TMEM132C: variants seen among roughly 807,000 people sequenced by gnomAD.
The protein encoded by TMEM132C is transmembrane protein 132C, also known as protein phosphatase 1, regulatory subunit 152.
TMEM132C carries 29 observed loss-of-function variants against 61.4 expected under a neutral mutation model. The ratio of observed to expected loss-of-function variants is 0.47; its 90% CI spans 0.35 to 0.64. The LOEUF (loss-of-function observed/expected upper bound fraction) is 0.64, where lower values mean the gene tolerates loss of function less well. Among genes scored for constraint, TMEM132C ranks in the 30% least tolerant of loss-of-function variants. The pLI is 0.00. For missense variants in TMEM132C, 1,408 were observed against 1,476.9 expected, an observed-to-expected ratio of 0.95 and a Z score of 0.76; for synonymous variants, 656 against 633.1, an observed-to-expected ratio of 1.04 and a Z score of -0.54.
chr12:128,340,711 CTCT>C (rs1872928329), intron 1 of TMEM132C, among the ~76,000 whole-genome samples: 1 of 150,860 alleles, frequency 6.6e-6, no homozygotes, highest in African/African-American at 2.5e-5. Flanking sequence ...CTCTTTCTTT[CTCT>C]TTCTTCCTTC....
At chr12:128,605,341 C>G (rs1876384033) in intron 3 of TMEM132C, among the ~76,000 whole-genome samples, 1 of 152,120 alleles carries the variant, frequency 6.6e-6, no homozygotes, top group African/African-American at 2.4e-5. Flanking sequence ...GGCAATCAGA[C>G]AGGAGGAATT....
intron 1 of TMEM132C, among the ~76,000 whole-genome samples, chr12:128,336,745 C>T (rs1263703968): frequency 1.3e-5 from 2 of 152,126 alleles, no homozygotes; most frequent in East Asian, 3.9e-4. Flanking sequence ...GTTTTTAATG[C>T]AAAAGTCCCC....
chr12:128,693,352 C>G (rs141610343), intron 5 of TMEM132C, among the ~76,000 whole-genome samples: 1 of 152,184 alleles, frequency 6.6e-6, no homozygotes, highest in Non-Finnish European at 1.5e-5. Context: ...ATTACTCAGC[C>G]CACCCAGATT....
intron 5 of TMEM132C, among the ~76,000 whole-genome samples, chr12:128,691,196 A>AATTAG (rs1954716993): frequency 6.6e-6 from 1 of 152,238 alleles, no homozygotes; most frequent in African/African-American, 2.4e-5. Flanking sequence ...CTCCAGCAAG[A>AATTAG]ATTAGCTTTA....
At chr12:128,631,508 G>C (rs1211418805) in intron 4 of TMEM132C, among the ~76,000 whole-genome samples, 1 of 152,170 alleles carries the variant, frequency 6.6e-6, no homozygotes, top group Non-Finnish European at 1.5e-5. Flanking sequence ...CTTTTTTTCA[G>C]ATTGTGTGAA....
chr12:128,536,139 C>A (rs1323239287), intron 2 of TMEM132C, among the ~76,000 whole-genome samples: 2 of 152,172 alleles, frequency 1.3e-5, no homozygotes, highest in Non-Finnish European at 2.9e-5. Flanking sequence ...TTGGAACCAA[C>A]CCAAATGTCC....
At chr12:128,341,743 A>T (rs183544842) in intron 1 of TMEM132C, among the ~76,000 whole-genome samples, 2 of 152,314 alleles carry the variant, frequency 1.3e-5, no homozygotes, top group Non-Finnish European at 2.9e-5. Flanking sequence ...GATGAGGTAG[A>T]AGTAGAGAAT....
At chr12:128,531,841 C>T (rs1481215501) in intron 2 of TMEM132C, among the ~76,000 whole-genome samples, 1 of 152,076 alleles carries the variant, frequency 6.6e-6, no homozygotes, top group East Asian at 1.9e-4. Context: ...GCCCCCCTCA[C>T]CCCACTGGCA....
At chr12:128,499,140 A>G (rs917510111) in intron 2 of TMEM132C, among the ~76,000 whole-genome samples, 4 of 152,226 alleles carry the variant, frequency 2.6e-5, no homozygotes, top group Admixed American at 2.0e-4. Context: ...CTACAATGCT[A>G]CAGTCATCAA....
At chr12:128,542,280 T>G (rs1383814848) in intron 2 of TMEM132C, among the ~76,000 whole-genome samples, 1 of 152,160 alleles carries the variant, frequency 6.6e-6, no homozygotes, top group Non-Finnish European at 1.5e-5. Context: ...CCTCTTCCGG[T>G]CATGGGATTA....
At chr12:128,388,782 C>T (rs1024441060) in intron 1 of TMEM132C, among the ~76,000 whole-genome samples, 1 of 152,254 alleles carries the variant, frequency 6.6e-6, no homozygotes, top group Non-Finnish European at 1.5e-5. Context: ...CACTTCCGGG[C>T]GCTGATTTTG....
At chr12:128,680,065 G>A (rs190554009) in intron 5 of TMEM132C, among the ~76,000 whole-genome samples, 1 of 152,290 alleles carries the variant, frequency 6.6e-6, no homozygotes, top group East Asian at 1.9e-4. Flanking sequence ...GGAGGATGAA[G>A]AGTAAGAAGA....
chr12:128,302,209 G>A (rs1481643347), intron 1 of TMEM132C, among the ~76,000 whole-genome samples: 1 of 152,224 alleles, frequency 6.6e-6, no homozygotes, highest in East Asian at 1.9e-4. Context: ...GGTAGAGAGT[G>A]AGAGAAAACT....
intron 2 of TMEM132C, among the ~76,000 whole-genome samples, chr12:128,455,132 G>A (rs1026676521): frequency 3.3e-5 from 5 of 152,188 alleles, no homozygotes; most frequent in African/African-American, 1.2e-4. Flanking sequence ...ACTACAGAGT[G>A]TCAAGAAAAA....
rs1194044686 is a variant in TMEM132C, at chr12:128,355,652, C to T, written c.86-59080C>T. ...TACTCTCTCTTCATACCTCCCCAAC[C>T]CCCAGGCACCTCCCCTGACCCTCTT... On this transcript the variant is annotated intron_variant, in intron 1 of 8. Coordinates refer to ENST00000435159, the MANE Select transcript of TMEM132C (RefSeq NM_001136103.3). 7.2e-5 allele frequency among the ~76,000 whole-genome samples: 11 copies of T among 152,098 alleles called. 1 individual carries two copies. The highest frequency in any genetic ancestry group is 6.5e-4 in the Admixed American group (10 of 15,284).
intron 1 of TMEM132C, among the ~76,000 whole-genome samples, chr12:128,296,734 G>C (rs1871427404): frequency 6.6e-6 from 1 of 152,126 alleles, no homozygotes; most frequent in African/African-American, 2.4e-5. Context: ...GGAAGAAGAT[G>C]GGGCAATAAA....
At chr12:128,409,841 A>T (rs1228330370) in intron 1 of TMEM132C, among the ~76,000 whole-genome samples, 1 of 152,132 alleles carries the variant, frequency 6.6e-6, no homozygotes, top group African/African-American at 2.4e-5. Flanking sequence ...CTGCTAACTC[A>T]TTTTACCTGG....
Position 128,392,805 on chromosome 12 carries a change from C to T in TMEM132C, c.86-21927C>T, listed in dbSNP as rs571021826. ...ATGAGCTAAAAAAAAAAAAAAAAAT[C>T]ACAAAAACATGTCTTAATGTTTTTA... On this transcript the variant is annotated intron_variant, in intron 1 of 8. Transcript: ENST00000435159. 2.9e-4 allele frequency among the ~76,000 whole-genome samples: 42 copies of T among 147,074 alleles called. 2 individuals carry two copies. In the East Asian group the frequency reaches 8.3e-3, roughly 29 times the overall value.
At chr12:128,353,239 T>C (rs1873396505) in intron 1 of TMEM132C, among the ~76,000 whole-genome samples, 1 of 152,190 alleles carries the variant, frequency 6.6e-6, no homozygotes, top group Non-Finnish European at 1.5e-5. Flanking sequence ...CTCCCGAGGC[T>C]TCCTGGCAGC....
Sources: allele counts gnomAD v4.1 joint callset (sites outside exome capture counted in the v4.1 genomes callset), GRCh38; gene constraint gnomAD v4.1.1; transcripts MANE v1.5; gene names NCBI Gene and HGNC (gene_info 2026-07-23, HGNC 2026-07-21).